The following SHISA9 variants were observed in gnomAD, a reference collection of about 807,000 sequenced individuals.
SHISA9 encodes protein shisa-9.
A neutral mutation model predicts 38.0 loss-of-function variants in SHISA9; 13 were observed. That is an observed-to-expected ratio of 0.34 (90% CI 0.22 to 0.54). The LOEUF (loss-of-function observed/expected upper bound fraction) is 0.54, where lower values mean the gene tolerates loss of function less well. Ranked by LOEUF, SHISA9 falls within the 20% of genes least tolerant of loss-of-function variation. The pLI, the probability that SHISA9 is intolerant of heterozygous loss-of-function variation, is 0.91. For synonymous variants in SHISA9, 275 were observed against 242.0 expected (o/e 1.14, Z -1.27); for missense variants, 538 against 575.8 (o/e 0.93, Z 0.67).
chr16:13,244,676 G>A (rs980192636), downstream of SHISA9, among the ~76,000 whole-genome samples: 1 of 152,226 alleles, frequency 6.6e-6, no homozygotes, highest in African/African-American at 2.4e-5. Flanking sequence ...GTCAAAAGCT[G>A]TATGAGGTTT....
the SHISA9 span, among the ~76,000 whole-genome samples, chr16:13,354,232 A>T: frequency 6.1e-4 from 72 of 118,500 alleles, no homozygotes; most frequent in African/African-American, 2.2e-3. Context: ...TGGAAAGGAA[A>T]TGAGAGGTTC....
intron 2 of SHISA9, among the ~76,000 whole-genome samples, chr16:13,091,131 C>G (rs1243336661): frequency 6.6e-6 from 1 of 152,206 alleles, no homozygotes; most frequent in Non-Finnish European, 1.5e-5. Flanking sequence ...TTGGCCCCCA[C>G]TCTCTTCTGG....
chr16:12,925,473 G>GTGTGTGTGTGTGTGTA (rs113968316), intron 2 of SHISA9, among the ~76,000 whole-genome samples: 24,432 of 150,366 alleles, frequency 0.16, 2,536 homozygotes, highest in Middle Eastern at 0.25. Flanking sequence ...GTGTGTGTGT[G>GTGTGTGTGTGTGTGTA]CAAGCAACAG....
chr16:13,145,773 A>G (rs76044223), intron 2 of SHISA9, among the ~76,000 whole-genome samples: 5,206 of 152,322 alleles, frequency 0.034, 116 homozygotes, highest in Non-Finnish European at 0.049. Context: ...ACCTTAACAG[A>G]TACTTACTGA....
the SHISA9 span, among the ~76,000 whole-genome samples, chr16:13,310,945 G>A: frequency 1.3e-5 from 2 of 152,062 alleles, no homozygotes; most frequent in African/African-American, 4.8e-5. Context: ...GCCTCCCAAC[G>A]TGCTGGTATT....
At chr16:13,390,952 G>T in the SHISA9 span, among the ~76,000 whole-genome samples, 13 of 152,188 alleles carry the variant, frequency 8.5e-5, no homozygotes, top group Admixed American at 2.0e-4. Flanking sequence ...TTTGGCTGCT[G>T]AATCTCCATT....
the SHISA9 span, among the ~76,000 whole-genome samples, chr16:13,522,938 T>C: frequency 6.6e-6 from 1 of 152,140 alleles, no homozygotes; most frequent in Non-Finnish European, 1.5e-5. Context: ...CTAATTATGG[T>C]TAAGCAACAT....
the SHISA9 span, among the ~76,000 whole-genome samples, chr16:13,337,259 A>G: frequency 6.6e-6 from 1 of 152,144 alleles, no homozygotes; most frequent in South Asian, 2.1e-4. Flanking sequence ...AGATAATTGA[A>G]TCATGGGAGC....
chr16:13,322,906 A>C, the SHISA9 span, among the ~76,000 whole-genome samples: 1 of 152,174 alleles, frequency 6.6e-6, no homozygotes, highest in African/African-American at 2.4e-5. Flanking sequence ...CTAAGAGGCT[A>C]CCAGTCATAC....
intron 2 of SHISA9, among the ~76,000 whole-genome samples, chr16:12,988,013 C>A (rs913841998): frequency 1.3e-5 from 2 of 152,114 alleles, no homozygotes; most frequent in African/African-American, 4.8e-5. Context: ...TTAAATACAC[C>A]AATAATCAGA....
the SHISA9 span, among the ~76,000 whole-genome samples, chr16:13,514,252 C>T: frequency 2.0e-5 from 3 of 151,624 alleles, no homozygotes; most frequent in Admixed American, 6.6e-5. Context: ...CTAGACCTCC[C>T]GAAGTGCTGG....
intron 2 of SHISA9, among the ~76,000 whole-genome samples, chr16:13,190,688 A>G (rs1420594610): frequency 6.6e-6 from 1 of 152,104 alleles, no homozygotes; most frequent in Non-Finnish European, 1.5e-5. Context: ...ACTGTTATCT[A>G]TTTGCAGCAC....
rs58765988 is a variant in SHISA9, at chr16:13,200,720, G to A, written c.692-2674G>A. Among the ~76,000 whole-genome samples the A allele has an allele frequency of 2.6e-3, 316 of 123,694 alleles. 28 individuals carry two copies. In the East Asian group the frequency reaches 0.049, roughly 19 times the overall value. The allele number at this position is 123,694 out of a possible 152,430, so 81.1% of individuals were successfully genotyped here. A position where few individuals can be genotyped will look rare whatever the true frequency, so the allele number is the denominator to read the frequency against. On this transcript the variant is annotated intron_variant, in intron 2 of 4. Coordinates refer to ENST00000558583, the MANE Select transcript of SHISA9 (RefSeq NM_001145204.3). The stretch of plus-strand genomic sequence containing the variant: ...TCTCGGCCAAAAAGCTATCGTGGTA[G>A]AAGGATACATGCGTCTCTCCAGACG...
At chr16:13,229,730 A>G (rs1407082054) in intron 4 of SHISA9, among the ~76,000 whole-genome samples, 3 of 152,168 alleles carry the variant, frequency 2.0e-5, no homozygotes, top group Admixed American at 2.0e-4. Context: ...CTAGTGGGGA[A>G]ACAGATGTGA....
At chr16:12,929,308 T>G (rs2071433414) in intron 2 of SHISA9, among the ~76,000 whole-genome samples, 1 of 152,140 alleles carries the variant, frequency 6.6e-6, no homozygotes, top group Admixed American at 6.5e-5. Context: ...CAAAGGAATA[T>G]AAATCATTCT....
the SHISA9 span, among the ~76,000 whole-genome samples, chr16:13,518,135 C>G: frequency 6.6e-6 from 1 of 152,166 alleles, no homozygotes; most frequent in East Asian, 1.9e-4. Context: ...GCTGACCACT[C>G]CCACTTAGCT....
At chr16:13,388,510 C>T in the SHISA9 span, among the ~76,000 whole-genome samples, 1 of 151,984 alleles carries the variant, frequency 6.6e-6, no homozygotes, top group Non-Finnish European at 1.5e-5. Context: ...CAGGTTTTCA[C>T]CATGTTGGCC....
At chr16:12,921,417 G>A (rs1160530798) in intron 2 of SHISA9, among the ~76,000 whole-genome samples, 2 of 152,104 alleles carry the variant, frequency 1.3e-5, no homozygotes, top group East Asian at 1.9e-4. Context: ...CATATTTACC[G>A]AGGCACCTGG....
chr16:13,269,218 C>A, the SHISA9 span, among the ~76,000 whole-genome samples: 1 of 152,156 alleles, frequency 6.6e-6, no homozygotes, highest in East Asian at 1.9e-4. Flanking sequence ...ACCTATGCAT[C>A]CTTTTAGACT....
Sources: gnomAD v4.1 joint callset for allele counts (sites outside exome capture counted in the v4.1 genomes callset) on GRCh38, gnomAD v4.1.1 for gene constraint, MANE v1.5 for transcripts, NCBI Gene and HGNC (gene_info 2026-07-23, HGNC 2026-07-21) for gene names.